Variants in EXOC4 observed in about 807,000 individuals in gnomAD.
The protein encoded by EXOC4 is SEC8-like 1.
A neutral mutation model predicts 107.2 loss-of-function variants in EXOC4; 71 were observed. The observed-to-expected ratio is 0.66, with a 90% confidence interval of 0.55 to 0.81. The LOEUF (loss-of-function observed/expected upper bound fraction) is 0.81, where lower values mean the gene tolerates loss of function less well. EXOC4 is among the 30% of genes least tolerant of loss of function. The probability of loss-of-function intolerance (pLI) is 0.00; values close to 1 mark genes in which losing one functional copy is unlikely to be tolerated. For missense variants in EXOC4, 1,108 were observed against 1,189.6 expected (o/e 0.93, Z 1.01); for synonymous variants, 456 against 441.2 (o/e 1.03, Z -0.42).
intron 2 of EXOC4, among the ~76,000 whole-genome samples, chr7:133,282,147 C>T (rs1794171373): frequency 6.6e-6 from 1 of 152,214 alleles, no homozygotes; most frequent in Non-Finnish European, 1.5e-5. Context: ...CTTAGCTTTT[C>T]TCACCCCTTT....
chr7:133,475,218 C>A, intron 7 of EXOC4, 110 bp from the exon 8 acceptor site: 3 of 905,358 alleles, frequency 3.3e-6, no homozygotes, highest in Non-Finnish European at 3.3e-6. Flanking sequence ...GGTTAATATA[C>A]TCCTGAATGT....
chr7:133,431,340 AC>A (rs1209817224), intron 7 of EXOC4, among the ~76,000 whole-genome samples: 1 of 152,200 alleles, frequency 6.6e-6, no homozygotes, highest in African/African-American at 2.4e-5. Context: ...CAAGAAAAAA[AC>A]ATTTAAATAA....
intron 9 of EXOC4, among the ~76,000 whole-genome samples, chr7:133,523,546 C>T (rs1448262749): frequency 2.0e-5 from 3 of 151,644 alleles, no homozygotes; most frequent in Non-Finnish European, 4.4e-5. Flanking sequence ...CACCCACTAA[C>T]TCGTCATCTA....
At chr7:133,550,557 A>G (rs1394456641) in intron 9 of EXOC4, among the ~76,000 whole-genome samples, 1 of 152,184 alleles carries the variant, frequency 6.6e-6, no homozygotes, top group Non-Finnish European at 1.5e-5. Context: ...TAATGGCCTT[A>G]CTGTGTTTTA....
intron 12 of EXOC4, among the ~76,000 whole-genome samples, chr7:133,912,751 C>T (rs1799724269): frequency 6.6e-6 from 1 of 152,108 alleles, no homozygotes; most frequent in Non-Finnish European, 1.5e-5. Flanking sequence ...GGGATTCCAG[C>T]TTGCAAAAAA....
intron 7 of EXOC4, among the ~76,000 whole-genome samples, chr7:133,456,102 G>GT (rs1798457320): frequency 6.6e-6 from 1 of 152,116 alleles, no homozygotes; most frequent in Non-Finnish European, 1.5e-5. Context: ...GTAAAGATAA[G>GT]TACATTTTTA....
intron 6 of EXOC4, among the ~76,000 whole-genome samples, chr7:133,359,615 C>T (rs1796095938): frequency 6.6e-6 from 1 of 152,104 alleles, no homozygotes; most frequent in African/African-American, 2.4e-5. Flanking sequence ...TATTCTGAGA[C>T]AAGATACCCA....
At chr7:134,067,623 TC>T, downstream of EXOC4, among the ~76,000 whole-genome samples, 1 of 92,002 alleles carries the variant, frequency 1.1e-5, no homozygotes, top group Admixed American at 1.2e-4. Context: ...AGGACCCAAC[TC>T]TTATATATAT....
At chr7:133,685,572 A>G (rs761778669) in intron 10 of EXOC4, among the ~76,000 whole-genome samples, 5 of 152,164 alleles carry the variant, frequency 3.3e-5, no homozygotes, top group Non-Finnish European at 7.4e-5. Context: ...TAGAAATGAG[A>G]TTTCTGATTA....
chr7:133,281,827 A>G (rs902511419), intron 2 of EXOC4, among the ~76,000 whole-genome samples: 3 of 150,342 alleles, frequency 2.0e-5, no homozygotes, highest in Non-Finnish European at 4.4e-5. Context: ...TCACCCTCCC[A>G]AGTAGCTAGG....
chr7:133,287,756 T>G (rs1055517810), intron 2 of EXOC4, among the ~76,000 whole-genome samples: 6 of 152,238 alleles, frequency 3.9e-5, no homozygotes, highest in Non-Finnish European at 7.3e-5. Flanking sequence ...TCTTTTAATC[T>G]TAGCATTTTG....
At chr7:133,732,272 C>T (rs986035998) in intron 10 of EXOC4, among the ~76,000 whole-genome samples, 1 of 152,164 alleles carries the variant, frequency 6.6e-6, no homozygotes, top group Non-Finnish European at 1.5e-5. Context: ...ACAACACACA[C>T]TGGGGCCTGT....
intron 10 of EXOC4, among the ~76,000 whole-genome samples, chr7:133,749,271 A>G (rs1795740267): frequency 6.6e-6 from 1 of 152,154 alleles, no homozygotes; most frequent in Admixed American, 6.5e-5. Flanking sequence ...AAGGAGAGAT[A>G]TTCCCCCAGA....
chr7:134,070,130 A>T (rs528934340), downstream of EXOC4, among the ~76,000 whole-genome samples: 2 of 152,348 alleles, frequency 1.3e-5, no homozygotes, highest in East Asian at 3.9e-4. Context: ...AACAAATTGG[A>T]CATAATTTGG....
At chr7:133,416,176 G>A (rs1298184920) in intron 7 of EXOC4, among the ~76,000 whole-genome samples, 1 of 152,120 alleles carries the variant, frequency 6.6e-6, no homozygotes, top group Non-Finnish European at 1.5e-5. Flanking sequence ...AAAAGACTGT[G>A]GTGTAAAACA....
chr7:134,094,451 C>G, the EXOC4 span, among the ~76,000 whole-genome samples: 1 of 152,026 alleles, frequency 6.6e-6, no homozygotes, highest in Non-Finnish European at 1.5e-5. Flanking sequence ...ATATCCCAGA[C>G]CGGGTGGATT....
intron 9 of EXOC4, among the ~76,000 whole-genome samples, chr7:133,629,567 G>A (rs1478768726): frequency 6.8e-6 from 1 of 147,690 alleles, no homozygotes; most frequent in Non-Finnish European, 1.5e-5. Flanking sequence ...TTGAGACGGA[G>A]TCTCGCTCTG....
chr7:133,580,490 A>G (rs556574743), intron 9 of EXOC4, among the ~76,000 whole-genome samples: 6 of 152,236 alleles, frequency 3.9e-5, no homozygotes, highest in African/African-American at 1.4e-4. Flanking sequence ...TTTCTCTACA[A>G]CCTCGCCAAC....
At chr7:133,801,527 G>T (rs752098689) in intron 10 of EXOC4, among the ~76,000 whole-genome samples, 3 of 152,152 alleles carry the variant, frequency 2.0e-5, no homozygotes, top group Non-Finnish European at 4.4e-5. Flanking sequence ...TCAACACAGG[G>T]ATGGATCCTG....
Sources: allele counts gnomAD v4.1 joint callset (sites outside exome capture counted in the v4.1 genomes callset), GRCh38; gene constraint gnomAD v4.1.1; transcripts MANE v1.5; gene names NCBI Gene and HGNC (gene_info 2026-07-23, HGNC 2026-07-21).